Variants in AGBL4 observed in about 807,000 individuals in gnomAD.
AGBL4 encodes the protein AGBL carboxypeptidase 4, also known as cytosolic carboxypeptidase 6.
Under a neutral mutation model 66.4 loss-of-function variants are expected in AGBL4, and 58 were observed. That is an observed-to-expected ratio of 0.87 (90% CI 0.71 to 1.09). The LOEUF (loss-of-function observed/expected upper bound fraction) is 1.09, where lower values mean the gene tolerates loss of function less well. Ranked by LOEUF, AGBL4 falls within the 50% of genes least tolerant of loss-of-function variation. AGBL4 has a pLI of 0.00. For synonymous variants in AGBL4, 234 were observed against 222.9 expected, an observed-to-expected ratio of 1.05 and a Z score of -0.44; for missense variants, 579 against 631.0, an observed-to-expected ratio of 0.92 and a Z score of 0.88.
At chr1:49,246,677 A>G (rs989447384) in intron 3 of AGBL4, among the ~76,000 whole-genome samples, 34 of 151,956 alleles carry the variant, frequency 2.2e-4, no homozygotes, top group African/African-American at 7.7e-4. Context: ...CAACTTTGTT[A>G]TAAGAGGGGA....
At position 49,866,574 on chromosome 1, in the gene AGBL4, G is replaced by T. The variant is rs113248530; in HGVS notation, c.35-15056C>A. Among the ~76,000 whole-genome samples the T allele has an allele frequency of 4.1e-3, 627 of 152,224 alleles. 3 individuals carry two copies. Among genetic ancestry groups the T allele is most frequent in the Non-Finnish European group, 6.9e-3 (472 of 68,016 alleles). Reference sequence around the variant, plus strand: ...AGGTCAGGAGTTCGAGACCAGTCTGGTCAACATGGCAAAATTCCGTCTCTA... The same window carrying T: ...AGGTCAGGAGTTCGAGACCAGTCTGTTCAACATGGCAAAATTCCGTCTCTA... On this transcript the variant is annotated intron_variant, in intron 1 of 13. Coordinates refer to ENST00000371839, the MANE Select transcript of AGBL4 (RefSeq NM_032785.4).
chr1:48,973,333 G>T (rs1351048749), intron 5 of AGBL4, among the ~76,000 whole-genome samples: 1 of 152,064 alleles, frequency 6.6e-6, no homozygotes, highest in Admixed American at 6.6e-5. Context: ...TCACATTTTA[G>T]GGTGAATTGC....
At chr1:48,756,418 C>T (rs1643929648) in intron 6 of AGBL4, among the ~76,000 whole-genome samples, 1 of 152,174 alleles carries the variant, frequency 6.6e-6, no homozygotes, top group Admixed American at 6.5e-5. Flanking sequence ...CCTCATCAAA[C>T]TTTAAACTCC....
intron 1 of AGBL4, among the ~76,000 whole-genome samples, chr1:49,855,619 T>C (rs1646413842): frequency 6.6e-6 from 1 of 151,970 alleles, no homozygotes; most frequent in South Asian, 2.1e-4. Context: ...ACTGTAAAAA[T>C]AGACAGCAAT....
intron 6 of AGBL4, among the ~76,000 whole-genome samples, chr1:48,700,866 A>G (rs567841959): frequency 1.5e-4 from 23 of 152,250 alleles, no homozygotes; most frequent in African/African-American, 5.5e-4. Flanking sequence ...TCTTGCAGTA[A>G]ATGGAGGAGT....
intron 5 of AGBL4, among the ~76,000 whole-genome samples, chr1:48,996,917 C>T (rs1014907042): frequency 6.6e-6 from 1 of 151,442 alleles, no homozygotes; most frequent in Non-Finnish European, 1.5e-5. Flanking sequence ...TATAGGAAAT[C>T]CAGAAAGTAA....
At chr1:48,932,310 TA>T (rs1051383861) in intron 5 of AGBL4, among the ~76,000 whole-genome samples, 1 of 152,070 alleles carries the variant, frequency 6.6e-6, no homozygotes, top group Non-Finnish European at 1.5e-5. Flanking sequence ...TTCCTACCCT[TA>T]AAAAAATGTG....
intron 3 of AGBL4, among the ~76,000 whole-genome samples, chr1:49,435,324 T>A (rs1470381200): frequency 6.6e-6 from 1 of 152,192 alleles, no homozygotes; most frequent in Non-Finnish European, 1.5e-5. Context: ...ATTTCCTTGT[T>A]ATTATGTTTA....
At chr1:49,499,685 C>T (rs1465441216) in intron 3 of AGBL4, among the ~76,000 whole-genome samples, 1 of 151,484 alleles carries the variant, frequency 6.6e-6, no homozygotes, top group Non-Finnish European at 1.5e-5. Context: ...TTGTGAATGC[C>T]ATCATTTTGT....
chr1:49,968,954 G>T (rs1460808831), intron 1 of AGBL4, among the ~76,000 whole-genome samples: 1 of 152,172 alleles, frequency 6.6e-6, no homozygotes, highest in Non-Finnish European at 1.5e-5. Flanking sequence ...GTTATGTTAA[G>T]GTTTTCTGCC....
chr1:49,476,457 T>G (rs1570810505), intron 3 of AGBL4, among the ~76,000 whole-genome samples: 1 of 152,156 alleles, frequency 6.6e-6, no homozygotes, highest in East Asian at 1.9e-4. Flanking sequence ...CATATTTTTT[T>G]CATTAGTTTT....
chr1:48,748,069 C>T (rs1651043575), intron 6 of AGBL4, among the ~76,000 whole-genome samples: 1 of 152,112 alleles, frequency 6.6e-6, no homozygotes, highest in African/African-American at 2.4e-5. Flanking sequence ...AGAACATCTG[C>T]TGTGGCACAC....
chr1:49,698,780 T>A (rs1323609560), intron 2 of AGBL4, among the ~76,000 whole-genome samples: 1 of 152,106 alleles, frequency 6.6e-6, no homozygotes, highest in Middle Eastern at 3.2e-3. Context: ...AATATTAATA[T>A]TCACTTCAAT....
At chr1:48,728,738 A>G (rs1343966626) in intron 6 of AGBL4, among the ~76,000 whole-genome samples, 1 of 152,224 alleles carries the variant, frequency 6.6e-6, no homozygotes, top group African/African-American at 2.4e-5. Context: ...AGATGTGTGC[A>G]TATTCAACTT....
intron 4 of AGBL4, among the ~76,000 whole-genome samples, chr1:49,134,103 C>T (rs1645957455): frequency 6.6e-6 from 1 of 151,912 alleles, no homozygotes; most frequent in Non-Finnish European, 1.5e-5. Context: ...CCATCATGTC[C>T]CCTGAGCCGT....
intron 3 of AGBL4, among the ~76,000 whole-genome samples, chr1:49,670,071 T>C (rs950502922): frequency 1.3e-5 from 2 of 152,074 alleles, no homozygotes; most frequent in African/African-American, 4.8e-5. Context: ...AACACAAGTA[T>C]AAATTTGAAA....
At chr1:49,520,802 T>G (rs1650195059) in intron 3 of AGBL4, among the ~76,000 whole-genome samples, 1 of 150,410 alleles carries the variant, frequency 6.6e-6, no homozygotes, top group African/African-American at 2.4e-5. Flanking sequence ...TCACCAAAGA[T>G]CACTCACTTT....
rs142762966 is a variant in AGBL4, at chr1:48,829,472, C to T, written c.634+37719G>A. 2.0e-5 allele frequency among the ~76,000 whole-genome samples: 3 copies of T among 152,274 alleles called. No homozygotes were observed. The East Asian group carries it at 5.8e-4, about 29-fold the overall frequency. On this transcript the variant is annotated intron_variant, in intron 6 of 13. Coordinates refer to ENST00000371839, the MANE Select transcript of AGBL4 (RefSeq NM_032785.4). Reference sequence around the variant, plus strand: ...CTTTCCAAAGGCATCATATATCCCCCCATTACTGAGATAGGAATGTGCACA... The same window carrying T: ...CTTTCCAAAGGCATCATATATCCCCTCATTACTGAGATAGGAATGTGCACA...
In AGBL4 at chr1:49,971,907, GTTTTTT is replaced by G. The variant is rs745772850; in HGVS notation, c.34+51850_34+51855del. Among the ~76,000 whole-genome samples, 116 of 23,446 alleles carry G rather than the reference GTTTTTT, an allele frequency of 4.9e-3. 4 individuals carry two copies. Among genetic ancestry groups the G allele is most frequent in the Non-Finnish European group, 6.1e-3 (77 of 12,648 alleles). The allele number at this position is 23,446 out of a possible 152,430, so 15.4% of individuals were successfully genotyped here. On this transcript the variant is annotated intron_variant, in intron 1 of 13. Transcript: ENST00000371839. ...AAGTACAAGTGCAGGGTTTTTTTGG[GTTTTTT>G]TTTTTTTTTTTTTTTTTTTGCAGGG...
Sources: gnomAD v4.1 joint callset for allele counts (sites outside exome capture counted in the v4.1 genomes callset) on GRCh38, gnomAD v4.1.1 for gene constraint, MANE v1.5 for transcripts, NCBI Gene and HGNC (gene_info 2026-07-23, HGNC 2026-07-21) for gene names.